ZNF578: variants seen among roughly 807,000 people sequenced by gnomAD.
ZNF578 encodes the protein zinc finger protein 578.
ZNF578 carries 8 observed loss-of-function variants against 8.3 expected under a neutral mutation model. That is an observed-to-expected ratio of 0.96 (90% confidence interval 0.56 to 1.74). ZNF578 has a LOEUF of 1.74. Among genes scored for constraint, ZNF578 ranks in the 40% most tolerant of loss-of-function variants. ZNF578 has a pLI of 0.00. For synonymous variants in ZNF578, 206 were observed against 232.2 expected (o/e 0.89, Z 1.03); for missense variants, 726 against 707.5 (o/e 1.03, Z -0.30).
chr19:52,468,556 A>G (rs1467988355), intron 2 of ZNF578, among the ~76,000 whole-genome samples: 1 of 152,170 alleles, frequency 6.6e-6, no homozygotes, highest in African/African-American at 2.4e-5. Context: ...GAGTAATGTG[A>G]TGGTTAATAT....
At chr19:52,502,670 G>A (rs1599910984) in intron 4 of ZNF578, among the ~76,000 whole-genome samples, 1 of 152,288 alleles carries the variant, frequency 6.6e-6, no homozygotes, top group Non-Finnish European at 1.5e-5. Flanking sequence ...CCAGGAGGTG[G>A]AGGTTACCAT....
chr19:52,484,487 T>C (rs931742261), intron 2 of ZNF578, among the ~76,000 whole-genome samples: 11 of 152,122 alleles, frequency 7.2e-5, no homozygotes, highest in African/African-American at 2.7e-4. Context: ...CTTTGGACAA[T>C]ACCTGGCTTT....
intron 3 of ZNF578, among the ~76,000 whole-genome samples, chr19:52,499,704 A>G (rs2059399837): frequency 1.1e-5 from 1 of 87,312 alleles, no homozygotes; most frequent in African/African-American, 4.1e-5. Context: ...TTTTTTTTTG[A>G]GATGAATTTT....
intron 3 of ZNF578, among the ~76,000 whole-genome samples, chr19:52,501,059 A>G (rs1383662464): frequency 2.0e-5 from 3 of 151,712 alleles, no homozygotes; most frequent in East Asian, 2.0e-4. Context: ...TTGTACTTTT[A>G]GTAGAGAAAG....
At chr19:52,492,750 C>G (rs7343100) in intron 3 of ZNF578, 1 of 152,350 alleles carries the variant, frequency 6.6e-6, no homozygotes, top group Non-Finnish European at 1.5e-5. Flanking sequence ...CGCTCCGACC[C>G]TACCCCGCCC....
At chr19:52,495,611 A>G (rs675174) in intron 3 of ZNF578, among the ~76,000 whole-genome samples, 12 of 152,156 alleles carry the variant, frequency 7.9e-5, no homozygotes, top group Admixed American at 2.6e-4. Context: ...GGGGACCCTG[A>G]GTGCAGATGA....
At chr19:52,494,717 C>T (rs967306840) in intron 3 of ZNF578, among the ~76,000 whole-genome samples, 3 of 152,114 alleles carry the variant, frequency 2.0e-5, no homozygotes, top group East Asian at 1.9e-4. Context: ...ATTCAGCCCG[C>T]GGGCAGTGAC....
At chr19:52,471,237 T>G (rs190290075) in intron 2 of ZNF578, among the ~76,000 whole-genome samples, 156 of 152,308 alleles carry the variant, frequency 1.0e-3, no homozygotes, top group Non-Finnish European at 1.9e-3. Context: ...AATGTGAGAA[T>G]GGACTAATAC....
rs1555751349 is a variant in ZNF578, at chr19:52,459,769, A to ATATTTT, written c.-122+2812_-122+2813insATTTTT. 6.0e-3 allele frequency among the ~76,000 whole-genome samples: 105 copies of ATATTTT among 17,616 alleles called. 10 individuals are homozygous for ATATTTT. The highest frequency in any genetic ancestry group is 0.037 in the South Asian group (6 of 162). The allele number at this position is 17,616 out of a possible 152,430, so 11.6% of individuals were successfully genotyped here. On this transcript the variant is annotated intron_variant, in intron 2 of 5. Transcript: ENST00000421239. ...TGTGTGTGTATATATATATATATAT[A>ATATTTT]TTTTTTTTTTTTTTTTTTTTTTTTG...
chr19:52,515,392 T>TCC lies in ZNF578; in HGVS notation c.*3238_*3239insCC, dbSNP rs1265016640. On this transcript the variant is annotated 3_prime_UTR_variant, in exon 6 of 6. Transcript: ENST00000421239. ...TTTTATAAATGTTCCTGTGAGTTTT[T>TCC]TGTAAGGAAGAATTAACTGTCAGGA... Among the ~76,000 whole-genome samples, 4 of 152,180 alleles carry TCC rather than the reference T, an allele frequency of 2.6e-5. No individual in the cohort carries two copies. Among genetic ancestry groups the TCC allele is most frequent in the African/African-American group, 9.7e-5 (4 of 41,440 alleles).
At position 52,507,669 on chromosome 19, in the gene ZNF578, G is replaced by A. The variant is rs149730949; in HGVS notation, c.190+2888G>A. Among the ~76,000 whole-genome samples the A allele has an allele frequency of 8.7e-3, 1,324 of 152,338 alleles. 15 individuals are homozygous for A. The highest frequency in any genetic ancestry group is 0.027 in the East Asian group (142 of 5,182). On this transcript the variant is annotated intron_variant, in intron 5 of 5. Coordinates refer to ENST00000421239, the MANE Select transcript of ZNF578 (RefSeq NM_001099694.2). ...TTGGCTCCTGGTGAGAGCCTTCTTC[G>A]TGGTTTAGCCCAGCCGTCTTCCTGC...
chr19:52,471,260 C>T (rs1313936963), intron 2 of ZNF578, among the ~76,000 whole-genome samples: 2 of 152,164 alleles, frequency 1.3e-5, no homozygotes, highest in African/African-American at 4.8e-5. Flanking sequence ...GGCTGTAATA[C>T]TGTTGGCTTC....
chr19:52,467,312 A>G (rs1402602759), intron 2 of ZNF578, among the ~76,000 whole-genome samples: 1 of 152,086 alleles, frequency 6.6e-6, no homozygotes, highest in Non-Finnish European at 1.5e-5. Flanking sequence ...ACCACACCTC[A>G]ATTTACTTTT....
At chr19:52,504,505 T>G in intron 4 of ZNF578, 150 bp from the exon 5 acceptor site, 1 of 1,490,330 alleles carries the variant, frequency 6.7e-7, no homozygotes, top group South Asian at 1.4e-5. Context: ...ATGCAACTAT[T>G]GAGAAAAAAA....
intron 2 of ZNF578, among the ~76,000 whole-genome samples, chr19:52,484,511 C>T (rs555847637): frequency 6.6e-6 from 1 of 152,258 alleles, no homozygotes; most frequent in East Asian, 1.9e-4. Context: ...AGGCAGAGGT[C>T]CCTGCAGACT....
chr19:52,458,666 C>A (rs1222389442), intron 2 of ZNF578: 1 of 151,348 alleles, frequency 6.6e-6, no homozygotes, highest in East Asian at 1.9e-4. Context: ...TTCATATGCC[C>A]TGATGTCTTT....
rs1354577551 is a variant in ZNF578, at chr19:52,513,651, A to G, written c.*1497A>G. 6.7e-6 allele frequency among the ~76,000 whole-genome samples: 1 copy of G among 148,956 alleles called. No individual in the cohort carries two copies. Among genetic ancestry groups the G allele is most frequent in the Non-Finnish European group, 1.5e-5 (1 of 67,598 alleles). ...GGGCTGAGGCTGGACAATGGTGTGA[A>G]CCCAGGAGGCGGTGCTTGCAGGGAG... On this transcript the variant is annotated 3_prime_UTR_variant, in exon 6 of 6. Transcript: ENST00000421239.
intron 2 of ZNF578, among the ~76,000 whole-genome samples, chr19:52,475,982 T>A (rs1380100459): frequency 6.6e-6 from 1 of 152,184 alleles, no homozygotes; most frequent in South Asian, 2.1e-4. Context: ...GCTGACATAG[T>A]GTAGGACTGT....
At chr19:52,483,393 C>T (rs4802958) in intron 2 of ZNF578, among the ~76,000 whole-genome samples, 93,040 of 151,998 alleles carry the variant, frequency 0.61, 28,616 homozygotes, top group Admixed American at 0.64. Flanking sequence ...CCAGCCTCGG[C>T]AACAAGAGGG....
Sources: gnomAD v4.1 joint callset for allele counts (sites outside exome capture counted in the v4.1 genomes callset) on GRCh38, gnomAD v4.1.1 for gene constraint, MANE v1.5 for transcripts, NCBI Gene and HGNC (gene_info 2026-07-23, HGNC 2026-07-21) for gene names.